Variants in MPRIP observed in about 807,000 individuals in gnomAD.
MPRIP encodes myosin phosphatase Rho-interacting protein.
MPRIP carries 59 observed loss-of-function variants against 234.9 expected under a neutral mutation model. That is an observed-to-expected ratio of 0.25 (90% confidence interval 0.20 to 0.31). The LOEUF (loss-of-function observed/expected upper bound fraction) is 0.31, where lower values mean the gene tolerates loss of function less well. Ranked by LOEUF, MPRIP falls within the 10% of genes least tolerant of loss-of-function variation. The probability of loss-of-function intolerance (pLI) is 1.00; values close to 1 mark genes in which losing one functional copy is unlikely to be tolerated. For synonymous variants in MPRIP, 1,144 were observed against 1,263.9 expected (o/e 0.91, Z 2.01); for missense variants, 2,436 against 3,071.0 (o/e 0.79, Z 4.89).
chr17:17,170,971 G>C (rs1432561608), intron 16 of MPRIP: 3 of 152,222 alleles, frequency 2.0e-5, no homozygotes, highest in Non-Finnish European at 4.4e-5. Flanking sequence ...TCATGTACTT[G>C]TTAGAGTTAG....
chr17:17,062,118 G>A (rs1005668919), intron 1 of MPRIP, among the ~76,000 whole-genome samples: 2 of 152,034 alleles, frequency 1.3e-5, no homozygotes, highest in Non-Finnish European at 2.9e-5. Context: ...TGGCCTTCTC[G>A]TTCCCAGGCC....
At chr17:17,140,409 A>C (rs1272231673) in intron 7 of MPRIP, among the ~76,000 whole-genome samples, 1 of 152,106 alleles carries the variant, frequency 6.6e-6, no homozygotes, top group Non-Finnish European at 1.5e-5. Context: ...AGTTCTGCAT[A>C]CTAATACTGC....
chr17:17,162,041 C>G (rs1010123815), intron 15 of MPRIP, among the ~76,000 whole-genome samples: 1 of 152,236 alleles, frequency 6.6e-6, no homozygotes, highest in African/African-American at 2.4e-5. Context: ...AACAGATATA[C>G]TCTTGTCCCC....
chr17:17,185,413 C>G lies in MPRIP; in HGVS notation c.*519C>G, dbSNP rs1191252960. ...AGGAGAAAGTGCACTGCCTTCCAGC[C>G]CAGGAGGAGGACAGCATTTTGTATT... On this transcript the variant is annotated 3_prime_UTR_variant, in exon 24 of 24. Coordinates refer to ENST00000651222, the MANE Select transcript of MPRIP (RefSeq NM_001364716.4). The G allele has an allele frequency of 1.8e-5, 8 of 433,982 alleles. No individual in the cohort carries two copies. The highest frequency in any genetic ancestry group is 3.7e-5 in the Non-Finnish European group (8 of 214,540). The allele number at this position is 433,982 out of a possible 1,614,324, so 26.9% of individuals were successfully genotyped here.
At chr17:17,071,067 C>A (rs150451973) in intron 1 of MPRIP, among the ~76,000 whole-genome samples, 4 of 152,282 alleles carry the variant, frequency 2.6e-5, no homozygotes, top group Admixed American at 6.5e-5. Context: ...CTCTGACACA[C>A]CCTAGCATGG....
intron 1 of MPRIP, among the ~76,000 whole-genome samples, chr17:17,062,626 A>G (rs960310270): frequency 6.6e-6 from 1 of 152,210 alleles, no homozygotes; most frequent in Non-Finnish European, 1.5e-5. Context: ...GGAGCCATGA[A>G]GGCCTGCGCA....
chr17:17,172,055 C>A (rs1316336705), intron 17 of MPRIP, among the ~76,000 whole-genome samples, 190 bp downstream of exon 17: 1 of 152,236 alleles, frequency 6.6e-6, no homozygotes, highest in Non-Finnish European at 1.5e-5. Flanking sequence ...AGCTTGTAAA[C>A]TGAGAGCGCA....
intron 22 of MPRIP, 52 bp downstream of exon 22, chr17:17,177,464 T>G (rs1448684396): frequency 3.8e-6 from 6 of 1,583,180 alleles, no homozygotes; most frequent in Non-Finnish European, 5.2e-6. Flanking sequence ...CTTATGGGGG[T>G]TTGGTCGTAG....
At chr17:17,045,807 G>GTTTT (rs528782550) in intron 1 of MPRIP, among the ~76,000 whole-genome samples, 4 of 139,990 alleles carry the variant, frequency 2.9e-5, no homozygotes, top group Admixed American at 7.2e-5. Context: ...CAAATATACA[G>GTTTT]TTTTTTTTTT....
At chr17:17,081,315 A>C (rs924999653) in intron 3 of MPRIP, among the ~76,000 whole-genome samples, 5 of 152,218 alleles carry the variant, frequency 3.3e-5, no homozygotes, top group African/African-American at 4.8e-5. Context: ...GGGCGGCACA[A>C]ATCTAGCCAG....
chr17:17,126,999 G>A (rs147635650), intron 4 of MPRIP, 146 bp downstream of exon 4: 52 of 1,038,650 alleles, frequency 5.0e-5, no homozygotes, highest in South Asian at 6.4e-5. Flanking sequence ...TCTCAACACC[G>A]CTGTGTGCTG....
intron 2 of MPRIP, among the ~76,000 whole-genome samples, chr17:17,076,632 G>A (rs1286675705): frequency 6.6e-6 from 1 of 152,040 alleles, no homozygotes; most frequent in Non-Finnish European, 1.5e-5. Flanking sequence ...TGTTCAGGTG[G>A]CCTCCTCTAC....
chr17:17,154,039 G>T (rs1488588361), intron 12 of MPRIP, among the ~76,000 whole-genome samples: 2 of 147,082 alleles, frequency 1.4e-5, no homozygotes, highest in African/African-American at 5.1e-5. Flanking sequence ...CGTAGTGGGT[G>T]CTCAGTAACT....
chr17:17,172,772 A>G lies in MPRIP; in HGVS notation c.6547A>G (p.Ser2183Gly). 1 of 1,612,584 alleles carries G rather than the reference A, an allele frequency of 6.2e-7. No homozygotes were observed. Among genetic ancestry groups the G allele is most frequent in the Non-Finnish European group, 8.5e-7 (1 of 1,180,014 alleles). The part of the protein sequence containing the change: ...ELEKSQRSQI[S>G]SVNSDVEALR... ...GGAGAAGAGCCAGCGGTCCCAGATC[A>G]GCAGCGTCAACTCGGATGTTGAGGC... The change falls in exon 18 of 24, where the codon AGC (serine) becomes GGC (glycine). Residue 2183 changes from serine (S) to glycine (G), a missense_variant. Ser to Gly is a moderately conservative substitution (Grantham distance 56). Coordinates refer to ENST00000651222, the MANE Select transcript of MPRIP (RefSeq NM_001364716.4).
chr17:17,061,594 T>A (rs774243185), intron 1 of MPRIP, among the ~76,000 whole-genome samples: 1 of 152,126 alleles, frequency 6.6e-6, no homozygotes, highest in African/African-American at 2.4e-5. Flanking sequence ...TCCAGAGAAG[T>A]CTTTGCCCCA....
intron 1 of MPRIP, among the ~76,000 whole-genome samples, chr17:17,051,069 C>CG (rs1466915971): frequency 6.6e-5 from 10 of 152,114 alleles, no homozygotes; most frequent in Admixed American, 2.0e-4. Context: ...ACCTGTAAAG[C>CG]GGGTGCCTGC....
intron 3 of MPRIP, among the ~76,000 whole-genome samples, chr17:17,116,489 G>A (rs2144324317): frequency 6.6e-6 from 1 of 152,340 alleles, no homozygotes; most frequent in Admixed American, 6.5e-5. Context: ...CCGGATCTAT[G>A]TTCATGAAGA....
At position 17,042,718 on chromosome 17, in the gene MPRIP, AGGCCGGGCCGGGCCTGCGGCGG is replaced by A. The variant is rs1168570884; in HGVS notation, c.-124_-103del. The stretch of plus-strand genomic sequence containing the variant: ...TGCAGCGAACCGCCCGCCGGGAAGG[AGGCCGGGCCGGGCCTGCGGCGG>A]GGCCGGCGAGGGATGCGGCGCGGCC... On this transcript the variant is annotated 5_prime_UTR_variant, in exon 1 of 24. Coordinates refer to ENST00000651222, the MANE Select transcript of MPRIP (RefSeq NM_001364716.4). 1.1e-6 allele frequency: 1 copy of A among 932,338 alleles called. No homozygotes were observed. The highest frequency in any genetic ancestry group is 1.3e-6 in the Non-Finnish European group (1 of 788,740). The allele number at this position is 932,338 out of a possible 1,614,324, so 57.8% of individuals were successfully genotyped here.
intron 3 of MPRIP, among the ~76,000 whole-genome samples, chr17:17,105,460 C>T (rs2090045246): frequency 6.6e-6 from 1 of 152,212 alleles, no homozygotes; most frequent in African/African-American, 2.4e-5. Context: ...CTCCTCTTGA[C>T]TGGGGCAGTA....
Sources: allele counts gnomAD v4.1 joint callset (sites outside exome capture counted in the v4.1 genomes callset), GRCh38; gene constraint gnomAD v4.1.1; transcripts MANE v1.5; gene names NCBI Gene and HGNC (gene_info 2026-07-23, HGNC 2026-07-21).